The following RAP1GAP2 variants were observed in gnomAD, a reference collection of about 807,000 sequenced individuals.
The protein encoded by RAP1GAP2 is RAP1 GTPase activating protein 2, also known as rap1 GTPase-activating protein 2.
Under a neutral mutation model 95.0 loss-of-function variants are expected in RAP1GAP2, and 27 were observed. The observed-to-expected ratio is 0.28, with a 90% CI of 0.21 to 0.39. The LOEUF (loss-of-function observed/expected upper bound fraction) is 0.39. RAP1GAP2 is among the 10% of genes least tolerant of loss of function. The probability of loss-of-function intolerance (pLI) is 1.00; values close to 1 mark genes in which losing one functional copy is unlikely to be tolerated. For missense variants in RAP1GAP2, 771 were observed against 970.0 expected (o/e 0.79, Z 2.72); for synonymous variants, 373 against 380.9 (o/e 0.98, Z 0.24).
chr17:2,930,737 TG>T (rs1232235890), intron 3 of RAP1GAP2, among the ~76,000 whole-genome samples: 1 of 152,048 alleles, frequency 6.6e-6, no homozygotes, highest in African/African-American at 2.4e-5. Context: ...TGTGCTTGAG[TG>T]GGGGGACCAC....
chr17:2,940,971 C>T (rs2043471771), intron 3 of RAP1GAP2, among the ~76,000 whole-genome samples: 1 of 152,162 alleles, frequency 6.6e-6, no homozygotes, highest in South Asian at 2.1e-4. Context: ...GCCATGGGCT[C>T]CAGGATGCTG....
intron 3 of RAP1GAP2, among the ~76,000 whole-genome samples, chr17:2,922,966 C>T (rs2042837749): frequency 6.6e-6 from 1 of 151,560 alleles, no homozygotes; most frequent in Non-Finnish European, 1.5e-5. Flanking sequence ...GCACCCTCTG[C>T]CTCCCAGGCT....
chr17:2,829,604 C>T (rs867562119), intron 2 of RAP1GAP2, among the ~76,000 whole-genome samples: 1 of 152,142 alleles, frequency 6.6e-6, no homozygotes, highest in African/African-American at 2.4e-5. Flanking sequence ...CACCGAAGGG[C>T]TTGTTATGAA....
chr17:2,840,549 A>C (rs1017442430), intron 2 of RAP1GAP2, among the ~76,000 whole-genome samples: 1 of 150,980 alleles, frequency 6.6e-6, no homozygotes. Flanking sequence ...TTTTTTCGCT[A>C]TGTTTCCCAG....
At chr17:3,026,520 C>T in intron 21 of RAP1GAP2, 56 bp downstream of exon 21, 2 of 1,343,722 alleles carry the variant, frequency 1.5e-6, no homozygotes, top group Admixed American at 2.3e-5. Flanking sequence ...GCCAGCCACC[C>T]TCCTTGCATT....
intron 1 of RAP1GAP2, among the ~76,000 whole-genome samples, chr17:2,780,565 G>A (rs1409593565): frequency 3.9e-5 from 6 of 152,206 alleles, no homozygotes; most frequent in African/African-American, 1.4e-4. Context: ...ACCCCCCCCA[G>A]GAGAGGTCAC....
At chr17:2,833,437 T>A (rs1282558371) in intron 2 of RAP1GAP2, among the ~76,000 whole-genome samples, 1 of 151,986 alleles carries the variant, frequency 6.6e-6, no homozygotes, top group Non-Finnish European at 1.5e-5. Context: ...GCGCCTGGCC[T>A]GTTCTTGGTA....
intron 8 of RAP1GAP2, among the ~76,000 whole-genome samples, chr17:2,966,173 A>G (rs747038723): frequency 5.3e-5 from 8 of 152,238 alleles, no homozygotes; most frequent in Non-Finnish European, 7.3e-5. Context: ...TCTCAAGGGC[A>G]GGAGCTGGAA....
At chr17:2,789,044 A>C (rs1194093227) in intron 1 of RAP1GAP2, among the ~76,000 whole-genome samples, 1 of 152,102 alleles carries the variant, frequency 6.6e-6, no homozygotes. Context: ...GTTTCCTTAT[A>C]CCTTTACACA....
chr17:2,921,349 C>G (rs894497218), intron 3 of RAP1GAP2, among the ~76,000 whole-genome samples: 1 of 151,960 alleles, frequency 6.6e-6, no homozygotes, highest in Non-Finnish European at 1.5e-5. Flanking sequence ...TTACAGGCAC[C>G]GGCCACCACA....
At chr17:2,812,610 AGTTT>A (rs35712112) in intron 2 of RAP1GAP2, among the ~76,000 whole-genome samples, 64,329 of 151,558 alleles carry the variant, frequency 0.42, 14,059 homozygotes, top group Non-Finnish European at 0.49. Flanking sequence ...CACAGCAAAT[AGTTT>A]GTTTGTTCCT....
At chr17:2,844,747 C>T (rs1483111523) in intron 2 of RAP1GAP2, among the ~76,000 whole-genome samples, 2 of 152,126 alleles carry the variant, frequency 1.3e-5, no homozygotes, top group African/African-American at 4.8e-5. Flanking sequence ...AGGAAACTGT[C>T]GTTGGCTAAG....
chr17:2,872,706 A>T (rs1867276), intron 2 of RAP1GAP2, among the ~76,000 whole-genome samples: 102,173 of 150,674 alleles, frequency 0.68, 34,707 homozygotes, highest in East Asian at 0.85. Context: ...TTTTTTTTTT[A>T]CAAAGACAAA....
At chr17:2,962,584 AC>A (rs2044384469) in intron 4 of RAP1GAP2, 85 bp from the exon 5 acceptor site, 2 of 1,375,272 alleles carry the variant, frequency 1.5e-6, no homozygotes, top group Admixed American at 2.2e-5. Context: ...CCTGTTACTA[AC>A]CCCCTGTAAG....
intron 4 of RAP1GAP2, among the ~76,000 whole-genome samples, chr17:2,961,705 G>T (rs997785717): frequency 6.6e-6 from 1 of 152,082 alleles, no homozygotes; most frequent in African/African-American, 2.4e-5. Context: ...GACACTGGGG[G>T]CTCCAAGAAG....
chr17:2,756,914 G>T (rs574584625), intron 1 of RAP1GAP2, among the ~76,000 whole-genome samples: 1 of 152,258 alleles, frequency 6.6e-6, no homozygotes, highest in Admixed American at 6.5e-5. Flanking sequence ...GTCTTGCTCA[G>T]GAGCTTAACT....
intron 1 of RAP1GAP2, among the ~76,000 whole-genome samples, chr17:2,780,560 C>A (rs1169979568): frequency 6.6e-6 from 1 of 152,204 alleles, no homozygotes; most frequent in African/African-American, 2.4e-5. Flanking sequence ...TGTGCACCCC[C>A]CCCAGGAGAG....
chr17:2,945,027 C>A (rs2043652969), intron 3 of RAP1GAP2, among the ~76,000 whole-genome samples: 1 of 152,078 alleles, frequency 6.6e-6, no homozygotes, highest in Non-Finnish European at 1.5e-5. Context: ...GCGCCCGCCA[C>A]CACGCCCGGC....
chr17:2,894,320 C>G (rs1364622940), intron 2 of RAP1GAP2, among the ~76,000 whole-genome samples: 1 of 152,210 alleles, frequency 6.6e-6, no homozygotes, highest in African/African-American at 2.4e-5. Context: ...GTCCCAGCTA[C>G]TTGGGAGGCT....
Sources: gnomAD v4.1 joint callset for allele counts (sites outside exome capture counted in the v4.1 genomes callset) on GRCh38, gnomAD v4.1.1 for gene constraint, MANE v1.5 for transcripts, NCBI Gene and HGNC (gene_info 2026-07-23, HGNC 2026-07-21) for gene names.